Variants in CDADC1 observed in about 807,000 individuals in gnomAD.
The protein encoded by CDADC1 is cytidine and dCMP deaminase domain containing 1, also known as dCTP deaminase.
CDADC1 carries 39 observed loss-of-function variants against 54.9 expected under a neutral mutation model. The observed-to-expected ratio is 0.71, with a 90% confidence interval of 0.55 to 0.93. CDADC1 has a LOEUF of 0.93. Ranked by LOEUF, CDADC1 falls within the 40% of genes least tolerant of loss-of-function variation. The probability of loss-of-function intolerance (pLI) is 0.00; values close to 1 mark genes in which losing one functional copy is unlikely to be tolerated. For missense variants in CDADC1, 518 were observed against 618.8 expected (o/e 0.84, Z 1.73); for synonymous variants, 186 against 204.0 (o/e 0.91, Z 0.75).
rs1007443382 is a variant in CDADC1 at position 49,265,884 on chromosome 13, C to T, written c.431-1606C>T. ...TTTTTCCCCTCTTGAATCAGGATTACTGGAAGCAGCTAAGATGCCTAGATG... is the reference window on the plus strand; with the variant it reads ...TTTTTCCCCTCTTGAATCAGGATTATTGGAAGCAGCTAAGATGCCTAGATG... On this transcript the variant is annotated intron_variant, in intron 4 of 9. Coordinates refer to ENST00000251108, the MANE Select transcript of CDADC1 (RefSeq NM_030911.4). 5.4e-6 allele frequency: 7 copies of T among 1,302,046 alleles called. No individual in the cohort carries two copies. In the African/African-American group the frequency reaches 1.1e-4, roughly 20 times the overall value. The allele number at this position is 1,302,046 out of a possible 1,614,324, so 80.7% of individuals were successfully genotyped here.
At position 49,292,723 on chromosome 13, in the gene CDADC1, G is replaced by T. The variant is rs1953747162; in HGVS notation, c.*966G>T. On this transcript the variant is annotated 3_prime_UTR_variant, in exon 10 of 10. Coordinates refer to ENST00000251108, the MANE Select transcript of CDADC1 (RefSeq NM_030911.4). The stretch of plus-strand genomic sequence containing the variant: ...GATTTCTCACATTTTTATTTGCTGA[G>T]AAACATTCAGAAAATTATTCCAAAA... 6 of 1,268,962 alleles carry T rather than the reference G, an allele frequency of 4.7e-6. No homozygotes were observed. The South Asian group carries it at 7.8e-5, about 16-fold the overall frequency. 78.6% of individuals were successfully genotyped at this position (1,268,962 alleles called of 1,614,324 possible). A position where few individuals can be genotyped will look rare whatever the true frequency, so the allele number is the denominator to read the frequency against.
intron 1 of CDADC1, chr13:49,248,597 C>A (rs1382120453): frequency 5.1e-6 from 2 of 390,756 alleles, no homozygotes; most frequent in Non-Finnish European, 9.3e-6. Flanking sequence ...TTTGGGTTGT[C>A]CCCCTCAGCT....
Position 49,268,001 on chromosome 13 carries a change from GC to G in CDADC1, c.944del (p.Pro315HisfsTer48), listed in dbSNP as rs749177958. ...TTAATGAAATTCACAATCAAAGTTTGCCACAGGAAATTGCAAGGCACTGCAT... is the reference window on the plus strand; with the variant it reads ...TTAATGAAATTCACAATCAAAGTTTGCACAGGAAATTGCAAGGCACTGCAT... ...QINEIHNQSLPQEIARHCMVQ... is the reference protein window; with the variant it reads ...QINEIHNQSLXQEIARHCMVQ... On this transcript the variant is annotated frameshift_variant, in exon 5 of 10. Coordinates refer to ENST00000251108, the MANE Select transcript of CDADC1 (RefSeq NM_030911.4). LOFTEE classifies it high-confidence loss of function. The G allele has an allele frequency of 1.4e-5, 22 of 1,613,936 alleles. No homozygotes were observed. The Admixed American group carries it at 3.7e-4, about 27-fold the overall frequency.
Position 49,267,978 on chromosome 13 carries a change from A to G in CDADC1, c.919A>G (p.Asn307Asp). The G allele has an allele frequency of 6.2e-7, 1 of 1,614,142 alleles. No individual in the cohort carries two copies. The highest frequency in any genetic ancestry group is 8.5e-7 in the Non-Finnish European group (1 of 1,180,018). The change falls in exon 5 of 10, where the codon AAT becomes GAT. Residue 307 changes from asparagine (N) to aspartate (D), a missense_variant. Transcript: ENST00000251108. ...GFYRSNPEQI[N>D]EIHNQSLPQE... ...TTACCGTAGCAATCCAGAACAGATT[A>G]ATGAAATTCACAATCAAAGTTTGCC...
Position 49,259,497 on chromosome 13 carries a change from C to A in CDADC1, c.404C>A (p.Ser135Tyr). ...CDLYFSRKPC[S>Y]ACLKMIVNAG... Reference sequence around the variant, plus strand: ...CTTTATTTTTCCAGAAAACCATGTTCTGCTTGTTTGAAAATGATTGTAAAT... The same window carrying A: ...CTTTATTTTTCCAGAAAACCATGTTATGCTTGTTTGAAAATGATTGTAAAT... The change falls in exon 4 of 10, where the codon TCT becomes TAT. Residue 135 changes from serine to tyrosine, a missense_variant. Transcript: ENST00000251108. 1 of 1,613,878 alleles carries A rather than the reference C, an allele frequency of 6.2e-7. No individual in the cohort carries two copies. Among genetic ancestry groups the A allele is most frequent in the Non-Finnish European group, 8.5e-7 (1 of 1,179,888 alleles).
chr13:49,290,405 AAT>A (rs1367874184), intron 9 of CDADC1, among the ~76,000 whole-genome samples: 1 of 152,108 alleles, frequency 6.6e-6, no homozygotes, highest in Non-Finnish European at 1.5e-5. Flanking sequence ...TATATTACAT[AAT>A]ACATTATATA....
At chr13:49,268,580 G>C (rs932240324) in intron 5 of CDADC1, among the ~76,000 whole-genome samples, 3 of 152,098 alleles carry the variant, frequency 2.0e-5, no homozygotes, top group Admixed American at 6.6e-5. Context: ...CAGGAAGATT[G>C]CTTGAGCCCA....
At chr13:49,285,291 G>A (rs1953477020) in intron 8 of CDADC1, among the ~76,000 whole-genome samples, 1 of 149,976 alleles carries the variant, frequency 6.7e-6, no homozygotes. Flanking sequence ...CCATTCTCCT[G>A]CCTCAGCCTC....
At position 49,292,221 on chromosome 13, in the gene CDADC1, A is replaced by G. The variant is rs541250106; in HGVS notation, c.*464A>G. 261 of 985,680 alleles carry G rather than the reference A, an allele frequency of 2.6e-4. No individual in the cohort carries two copies. The African/African-American group carries it at 4.3e-3, about 16-fold the overall frequency. 61.1% of individuals were successfully genotyped at this position (985,680 alleles called of 1,614,324 possible). A position where few individuals can be genotyped will look rare whatever the true frequency, so the allele number is the denominator to read the frequency against. ...GAGTCAGTGTATAGCAAACCAAAAG[A>G]TCACATTTATACCCAAAGCTTTCTA... On this transcript the variant is annotated 3_prime_UTR_variant, in exon 10 of 10. Coordinates refer to ENST00000251108, the MANE Select transcript of CDADC1 (RefSeq NM_030911.4).
At chr13:49,250,453 A>G (rs999603438) in intron 2 of CDADC1, among the ~76,000 whole-genome samples, 2 of 152,216 alleles carry the variant, frequency 1.3e-5, no homozygotes, top group African/African-American at 4.8e-5. Context: ...GCCAGGCTCT[A>G]TATGGGGAAG....
At chr13:49,266,352 C>T (rs981725131) in intron 4 of CDADC1, among the ~76,000 whole-genome samples, 1 of 152,112 alleles carries the variant, frequency 6.6e-6, no homozygotes, top group Non-Finnish European at 1.5e-5. Context: ...TATGTTTTCT[C>T]TTTTACAAAT....
intron 9 of CDADC1, among the ~76,000 whole-genome samples, chr13:49,287,488 A>G (rs7993747): frequency 9.5e-4 from 98 of 103,466 alleles, no homozygotes; most frequent in Admixed American, 2.0e-3. Context: ...CTATCTATCT[A>G]TCTATCTATC....
chr13:49,285,921 C>A (rs941911029), intron 8 of CDADC1, among the ~76,000 whole-genome samples: 2 of 151,844 alleles, frequency 1.3e-5, no homozygotes, highest in African/African-American at 4.8e-5. Context: ...TCAAGCAATT[C>A]TCTTACCTCA....
At chr13:49,262,357 C>T (rs527653241) in intron 4 of CDADC1, among the ~76,000 whole-genome samples, 6 of 152,028 alleles carry the variant, frequency 3.9e-5, no homozygotes, top group African/African-American at 1.4e-4. Flanking sequence ...GTGGGAGGAC[C>T]ACTGGAGCCT....
At position 49,267,825 on chromosome 13, in the gene CDADC1, A is replaced by G. The variant is rs141706640; in HGVS notation, c.766A>G (p.Met256Val). 49 of 1,613,576 alleles carry G rather than the reference A, an allele frequency of 3.0e-5. No homozygotes were observed. The African/African-American group carries it at 6.0e-4, about 20-fold the overall frequency. ...TGAAGAAATGCATAAGCAAATACTGATGACTATAGGTTTGGAGAACCTGTG... is the reference window on the plus strand; with the variant it reads ...TGAAGAAATGCATAAGCAAATACTGGTGACTATAGGTTTGGAGAACCTGTG... ...SNEEMHKQILMTIGLENLCEN... is the reference protein window; with the variant it reads ...SNEEMHKQILVTIGLENLCEN... The change falls in exon 5 of 10, where the codon ATG (methionine) becomes GTG (valine). Residue 256 changes from methionine to valine, a missense_variant. Transcript: ENST00000251108.
intron 8 of CDADC1, among the ~76,000 whole-genome samples, chr13:49,282,981 T>A (rs1953394105): frequency 6.6e-6 from 1 of 152,244 alleles, no homozygotes; most frequent in South Asian, 2.1e-4. Flanking sequence ...CTGTCCAGAA[T>A]CATACATTGT....
At chr13:49,252,381 C>G (rs1952455667) in intron 2 of CDADC1, among the ~76,000 whole-genome samples, 1 of 152,176 alleles carries the variant, frequency 6.6e-6, no homozygotes, top group African/African-American at 2.4e-5. Flanking sequence ...AACTTGGGAA[C>G]TTGACTATCA....
Position 49,291,467 on chromosome 13 carries a change from C to T in CDADC1, c.1472-217C>T, listed in dbSNP as rs559787487. Among the ~76,000 whole-genome samples, 5 of 152,204 alleles carry T rather than the reference C, an allele frequency of 3.3e-5. No individual in the cohort carries two copies. In the East Asian group the frequency reaches 5.8e-4, roughly 18 times the overall value. On this transcript the variant is annotated intron_variant, in intron 9 of 9. Transcript: ENST00000251108. ...AATTACAGACGTGAGCCATTGCACC[C>T]GGCCAATGTGAATCCAGTTTTTAAA...
chr13:49,289,731 A>G (rs1953643499), intron 9 of CDADC1, among the ~76,000 whole-genome samples: 1 of 152,200 alleles, frequency 6.6e-6, no homozygotes, highest in African/African-American at 2.4e-5. Flanking sequence ...ATAAAGTTCA[A>G]AAAGACATAC....
Sources: gnomAD v4.1 joint callset for allele counts (sites outside exome capture counted in the v4.1 genomes callset) on GRCh38, gnomAD v4.1.1 for gene constraint, MANE v1.5 for transcripts, NCBI Gene and HGNC (gene_info 2026-07-23, HGNC 2026-07-21) for gene names.